Variants in GRAMD4 observed in about 807,000 individuals in gnomAD.
The protein encoded by GRAMD4 is GRAM domain containing 4.
GRAMD4 carries 25 observed loss-of-function variants against 83.9 expected under a neutral mutation model. The observed-to-expected ratio is 0.30, with a 90% CI of 0.22 to 0.42. The LOEUF is 0.42. Ranked by LOEUF, GRAMD4 falls within the 10% of genes least tolerant of loss-of-function variation. The pLI is 1.00. For missense variants in GRAMD4, 593 were observed against 788.7 expected (o/e 0.75, Z 2.97); for synonymous variants, 336 against 320.9 (o/e 1.05, Z -0.50).
intron 1 of GRAMD4, among the ~76,000 whole-genome samples, chr22:46,583,653 T>C (rs1171612454): frequency 6.6e-6 from 1 of 152,236 alleles, no homozygotes; most frequent in East Asian, 1.9e-4. Context: ...TGGATGTATT[T>C]CTCATGGTGC....
chr22:46,679,246 G>A lies in GRAMD4; in HGVS notation c.*1995G>A, dbSNP rs946750607. On this transcript the variant is annotated 3_prime_UTR_variant, in exon 19 of 19. Coordinates refer to ENST00000406902, the MANE Select transcript of GRAMD4 (RefSeq NM_015124.5). Reference sequence around the variant, plus strand: ...ATTCAGTCCCCAAACACAGCGGGAGGGGTCCCTGGGGCAGATGGGGCTTTA... The same window carrying A: ...ATTCAGTCCCCAAACACAGCGGGAGAGGTCCCTGGGGCAGATGGGGCTTTA... The A allele has an allele frequency of 1.3e-5, 13 of 985,528 alleles. No individual in the cohort carries two copies. In the African/African-American group the frequency reaches 2.1e-4, roughly 16 times the overall value. 61.0% of individuals were successfully genotyped at this position (985,528 alleles called of 1,614,324 possible).
intron 3 of GRAMD4, among the ~76,000 whole-genome samples, chr22:46,644,739 T>A (rs2082047572): frequency 7.6e-6 from 1 of 130,744 alleles, no homozygotes; most frequent in Non-Finnish European, 1.6e-5. Context: ...TTTTTTACTT[T>A]GTTTTGTTTT....
chr22:46,661,905 C>T (rs1489658941), intron 5 of GRAMD4, among the ~76,000 whole-genome samples: 1 of 152,220 alleles, frequency 6.6e-6, no homozygotes, highest in Non-Finnish European at 1.5e-5. Context: ...GTCCTCCATC[C>T]CTGAGTGCCT....
chr22:46,595,516 A>G (rs2081253475), intron 1 of GRAMD4, among the ~76,000 whole-genome samples: 1 of 152,232 alleles, frequency 6.6e-6, no homozygotes, highest in Non-Finnish European at 1.5e-5. Flanking sequence ...ACAGAGGTGC[A>G]GGGGTAGAGG....
rs901534438 is a variant in GRAMD4, at chr22:46,613,029, A to G, written c.-49-13722A>G. Among the ~76,000 whole-genome samples, 12 of 152,274 alleles carry G rather than the reference A, an allele frequency of 7.9e-5. No homozygotes were observed. In the South Asian group the frequency reaches 1.2e-3, roughly 16 times the overall value. ...TAGCAGCGTCTTGGGATGGTCTCAG[A>G]ACTTTTTACCCTGGCTCCCCACACC... On this transcript the variant is annotated intron_variant, in intron 1 of 1. Transcript: ENST00000431155.
chr22:46,643,626 C>T (rs1408203067), intron 3 of GRAMD4, among the ~76,000 whole-genome samples: 3 of 152,124 alleles, frequency 2.0e-5, no homozygotes, highest in East Asian at 1.9e-4. Flanking sequence ...ATGCCTCTTT[C>T]GTCTCCTTTC....
chr22:46,579,504 C>T (rs893655162), intron 1 of GRAMD4, among the ~76,000 whole-genome samples: 16 of 152,210 alleles, frequency 1.1e-4, no homozygotes, highest in African/African-American at 3.6e-4. Flanking sequence ...CCTGTTTTCT[C>T]TTTGGAAGGA....
chr22:46,680,021 G>A (rs2748344), downstream of GRAMD4, among the ~76,000 whole-genome samples: 84,050 of 152,142 alleles, frequency 0.55, 24,460 homozygotes, highest in African/African-American at 0.74. Context: ...TGGGAGCAGG[G>A]GGCAGGGCCT....
chr22:46,622,528 A>G lies in GRAMD4; in HGVS notation c.-50+1963A>G, dbSNP rs2081590211. On this transcript the variant is annotated intron_variant, in intron 1 of 18. Coordinates refer to ENST00000406902, the MANE Select transcript of GRAMD4 (RefSeq NM_015124.5). This position sits in a 1 kb window ranked among gnomAD's most constrained non-coding sequence, Gnocchi z 4.0. ...GGGGAGGGCATGGGAGTTCCTATTC[A>G]GTGAGCAGAGTTTCAGTTAGACAAG... Among the ~76,000 whole-genome samples, 1 of 152,198 alleles carries G rather than the reference A, an allele frequency of 6.6e-6. No homozygotes were observed. The highest frequency in any genetic ancestry group is 2.4e-5 in the African/African-American group (1 of 41,458).
intron 1 of GRAMD4, among the ~76,000 whole-genome samples, chr22:46,580,564 A>C (rs1459439993): frequency 6.6e-6 from 1 of 152,246 alleles, no homozygotes; most frequent in Non-Finnish European, 1.5e-5. Flanking sequence ...GGCCCAGGCC[A>C]GCCTGTCACC....
chr22:46,658,617 C>T (rs941838777), intron 4 of GRAMD4, among the ~76,000 whole-genome samples: 1 of 152,052 alleles, frequency 6.6e-6, no homozygotes, highest in African/African-American at 2.4e-5. Context: ...TGGCATGGGG[C>T]CTGCAGAGCC....
chr22:46,581,694 G>T (rs1353893379), intron 1 of GRAMD4, among the ~76,000 whole-genome samples: 1 of 152,248 alleles, frequency 6.6e-6, no homozygotes, highest in Non-Finnish European at 1.5e-5. Context: ...AGGTGCTCTT[G>T]TTAGCTGCAT....
At chr22:46,589,252 G>T (rs1040650816) in intron 1 of GRAMD4, among the ~76,000 whole-genome samples, 1 of 151,026 alleles carries the variant, frequency 6.6e-6, no homozygotes, top group Non-Finnish European at 1.5e-5. Context: ...CTCTTGGGGG[G>T]AGTCCTGGGT....
At chr22:46,628,680 A>G (rs1481066788) in intron 2 of GRAMD4, among the ~76,000 whole-genome samples, 1 of 151,318 alleles carries the variant, frequency 6.6e-6, no homozygotes, top group Admixed American at 6.6e-5. Context: ...GGCCAGGGCC[A>G]GGGTTGCAGG....
Position 46,580,201 on chromosome 22 carries a change from G to A in GRAMD4, c.-50+2911G>A, listed in dbSNP as rs369547255. Among the ~76,000 whole-genome samples, 5 of 152,386 alleles carry A rather than the reference G, an allele frequency of 3.3e-5. No individual in the cohort carries two copies. The East Asian group carries it at 9.6e-4, about 29-fold the overall frequency. The stretch of plus-strand genomic sequence containing the variant: ...GGCCGGGTTTAGTGAGTAACAGGCA[G>A]AAGGCAGAGGGTGCTCGCTGGGAAG... On this transcript the variant is annotated intron_variant, in intron 1 of 1. Transcript: ENST00000431155.
chr22:46,607,867 G>T (rs1464067445), intron 1 of GRAMD4, among the ~76,000 whole-genome samples: 1 of 152,046 alleles, frequency 6.6e-6, no homozygotes, highest in Non-Finnish European at 1.5e-5. Flanking sequence ...TGCAGCCTGC[G>T]ACCTGTCCTT....
At chr22:46,636,591 C>T (rs890114535) in intron 2 of GRAMD4, among the ~76,000 whole-genome samples, 3 of 152,238 alleles carry the variant, frequency 2.0e-5, no homozygotes, top group East Asian at 3.9e-4. Flanking sequence ...TTGTTGAAGC[C>T]GCACACCTGT....
chr22:46,649,982 C>G (rs1194857184), intron 3 of GRAMD4, among the ~76,000 whole-genome samples: 3 of 152,118 alleles, frequency 2.0e-5, no homozygotes, highest in African/African-American at 7.2e-5. Context: ...GTGGTGATGG[C>G]AGGAGGGCTG....
intron 1 of GRAMD4, among the ~76,000 whole-genome samples, chr22:46,595,648 T>C (rs1445540201): frequency 1.3e-5 from 2 of 152,078 alleles, no homozygotes; most frequent in Non-Finnish European, 2.9e-5. Context: ...GCGTCACCCC[T>C]CCCACCCAGC....
Sources: gnomAD v4.1 joint callset for allele counts (sites outside exome capture counted in the v4.1 genomes callset) on GRCh38, gnomAD v4.1.1 for gene constraint, Gnocchi (gnomAD v3.1) non-coding constraint, MANE v1.5 for transcripts, NCBI Gene and HGNC (gene_info 2026-07-23, HGNC 2026-07-21) for gene names.